The following FHIT variants were observed in gnomAD, a reference collection of about 807,000 sequenced individuals.
FHIT encodes the protein bis(5'-adenosyl)-triphosphatase.
In FHIT, 19 loss-of-function variants were observed where a neutral mutation model predicts 17.9. The ratio of observed to expected loss-of-function variants is 1.06; its 90% confidence interval spans 0.74 to 1.56. The LOEUF (loss-of-function observed/expected upper bound fraction) is 1.56. Ranked by LOEUF, FHIT falls within the 40% of genes most tolerant of loss-of-function variation. FHIT has a pLI of 0.00. For synonymous variants in FHIT, 81 were observed against 69.7 expected, an observed-to-expected ratio of 1.16 and a Z score of -0.81; for missense variants, 248 against 189.2, an observed-to-expected ratio of 1.31 and a Z score of -1.82.
At chr3:60,488,017 C>T (rs1486038031) in intron 5 of FHIT, among the ~76,000 whole-genome samples, 1 of 152,150 alleles carries the variant, frequency 6.6e-6, no homozygotes, top group African/African-American at 2.4e-5. Context: ...GTGAAGCCAA[C>T]ATTCTGTGAT....
chr3:59,910,692 G>A (rs1704829119), intron 8 of FHIT, among the ~76,000 whole-genome samples: 1 of 152,068 alleles, frequency 6.6e-6, no homozygotes, highest in Admixed American at 6.6e-5. Context: ...ACAAACAAAA[G>A]AACAAGCCTG....
chr3:60,901,318 C>G (rs561716250), intron 3 of FHIT, among the ~76,000 whole-genome samples: 2 of 152,262 alleles, frequency 1.3e-5, no homozygotes, highest in South Asian at 4.1e-4. Flanking sequence ...TTCTCTTAAA[C>G]TGTGCATTAC....
chr3:60,759,012 G>A (rs987679509), intron 4 of FHIT, among the ~76,000 whole-genome samples: 9 of 152,072 alleles, frequency 5.9e-5, no homozygotes, highest in South Asian at 2.1e-4. Flanking sequence ...TTCTGGGGGC[G>A]GAAATCATGA....
At chr3:59,825,345 T>C (rs1251348075) in intron 8 of FHIT, among the ~76,000 whole-genome samples, 1 of 152,228 alleles carries the variant, frequency 6.6e-6, no homozygotes, top group African/African-American at 2.4e-5. Flanking sequence ...AACCACTTCC[T>C]ATGAGCCTCA....
At chr3:59,860,354 G>A (rs559924869) in intron 8 of FHIT, among the ~76,000 whole-genome samples, 2 of 152,244 alleles carry the variant, frequency 1.3e-5, no homozygotes, top group African/African-American at 4.8e-5. Context: ...AGGGTGACCA[G>A]GTATGCAAGG....
At chr3:59,791,444 C>T (rs918504434) in intron 8 of FHIT, among the ~76,000 whole-genome samples, 7 of 152,188 alleles carry the variant, frequency 4.6e-5, no homozygotes, top group African/African-American at 1.7e-4. Context: ...CAGAGAGACA[C>T]AAAGCCCCTA....
intron 4 of FHIT, among the ~76,000 whole-genome samples, chr3:60,783,518 T>C (rs879975137): frequency 3.9e-5 from 6 of 152,240 alleles, no homozygotes; most frequent in Non-Finnish European, 7.3e-5. Context: ...GGCCCTGGTT[T>C]ACTGTAACAG....
Position 59,986,695 on chromosome 3 carries a change from T to TATATATTTATATAA in FHIT, c.279+24662_279+24675dup, listed in dbSNP as rs1708947914. Among the ~76,000 whole-genome samples the TATATATTTATATAA allele has an allele frequency of 1.8e-4, 2 of 11,240 alleles. 1 individual carries two copies. Among genetic ancestry groups the TATATATTTATATAA allele is most frequent in the African/African-American group, 8.8e-4 (2 of 2,266 alleles). 7.4% of individuals were successfully genotyped at this position (11,240 alleles called of 152,430 possible). A position where few individuals can be genotyped will look rare whatever the true frequency, so the allele number is the denominator to read the frequency against. On this transcript the variant is annotated intron_variant, in intron 7 of 9. Coordinates refer to ENST00000492590, the MANE Select transcript of FHIT (RefSeq NM_002012.4). Reference sequence around the variant, plus strand: ...TAATATATTTACATATTTAGTTTTATATATATTTATATAAATATATACATA... The same window carrying TATATATTTATATAA: ...TAATATATTTACATATTTAGTTTTATATATATTTATATAAATATATTTATATAAATATATACATA...
intron 2 of FHIT, among the ~76,000 whole-genome samples, chr3:61,107,585 G>A (rs1341149623): frequency 6.6e-6 from 1 of 152,182 alleles, no homozygotes; most frequent in Non-Finnish European, 1.5e-5. Context: ...CTCACCAACA[G>A]TGTACATGGG....
At chr3:59,831,427 C>T (rs916651347) in intron 8 of FHIT, among the ~76,000 whole-genome samples, 2 of 152,058 alleles carry the variant, frequency 1.3e-5, no homozygotes, top group Non-Finnish European at 2.9e-5. Flanking sequence ...AATGAAGACA[C>T]TGAGTCTTAG....
At chr3:60,391,282 A>G (rs1466271794) in intron 5 of FHIT, among the ~76,000 whole-genome samples, 1 of 152,182 alleles carries the variant, frequency 6.6e-6, no homozygotes, top group Non-Finnish European at 1.5e-5. Context: ...AATATGTTTA[A>G]AATTTATTTT....
At chr3:60,401,360 T>C (rs917604236) in intron 5 of FHIT, among the ~76,000 whole-genome samples, 2 of 152,200 alleles carry the variant, frequency 1.3e-5, no homozygotes, top group African/African-American at 4.8e-5. Flanking sequence ...GGAAGTTATT[T>C]CCTGTGTACC....
chr3:61,204,177 G>C (rs62267453), intron 1 of FHIT, among the ~76,000 whole-genome samples: 21,740 of 152,124 alleles, frequency 0.14, 1,685 homozygotes, highest in African/African-American at 0.16. Context: ...TAAAGTATAA[G>C]TGGTACAAAA....
intron 3 of FHIT, among the ~76,000 whole-genome samples, chr3:60,962,909 G>T (rs1316395777): frequency 2.0e-5 from 3 of 152,154 alleles, no homozygotes; most frequent in East Asian, 3.8e-4. Flanking sequence ...TTGTCTCACT[G>T]CCAGGCTTTG....
chr3:60,737,772 G>A (rs1162720357), intron 4 of FHIT, among the ~76,000 whole-genome samples: 3 of 152,128 alleles, frequency 2.0e-5, no homozygotes, highest in African/African-American at 7.2e-5. Flanking sequence ...GGATAAGTAC[G>A]AGGTATTGTG....
intron 2 of FHIT, among the ~76,000 whole-genome samples, chr3:61,074,676 CTCT>C (rs958151712): frequency 6.6e-6 from 1 of 152,086 alleles, no homozygotes; most frequent in African/African-American, 2.4e-5. Context: ...TCAATTACCT[CTCT>C]TCTTCTTAAT....
intron 5 of FHIT, among the ~76,000 whole-genome samples, chr3:60,409,828 CCTT>C (rs1186524823): frequency 6.6e-6 from 1 of 152,146 alleles, no homozygotes; most frequent in Non-Finnish European, 1.5e-5. Flanking sequence ...GCTACACGAA[CCTT>C]CTTTAGATTT....
At chr3:60,874,234 A>T (rs1214775434) in intron 3 of FHIT, among the ~76,000 whole-genome samples, 3 of 151,912 alleles carry the variant, frequency 2.0e-5, no homozygotes, top group African/African-American at 7.3e-5. Context: ...TATTTATTAA[A>T]CTCTAAATAC....
chr3:60,692,587 G>T (rs1167317433), intron 4 of FHIT, among the ~76,000 whole-genome samples: 2 of 152,170 alleles, frequency 1.3e-5, no homozygotes, highest in Admixed American at 6.5e-5. Context: ...CTTCTGGAAG[G>T]TAGGAAGGAC....
Sources: allele counts gnomAD v4.1 joint callset (sites outside exome capture counted in the v4.1 genomes callset), GRCh38; gene constraint gnomAD v4.1.1; transcripts MANE v1.5; gene names NCBI Gene and HGNC (gene_info 2026-07-23, HGNC 2026-07-21).